ITIH5: variants seen among roughly 807,000 people sequenced by gnomAD.
ITIH5 encodes inter-alpha-trypsin inhibitor heavy chain 5.
A neutral mutation model predicts 77.5 loss-of-function variants in ITIH5; 65 were observed. That is an observed-to-expected ratio of 0.84 (90% CI 0.69 to 1.03). ITIH5 has a LOEUF of 1.03. Among genes scored for constraint, ITIH5 ranks in the 50% least tolerant of loss-of-function variants. The probability of loss-of-function intolerance (pLI) is 0.00; values close to 1 mark genes in which losing one functional copy is unlikely to be tolerated. For missense variants in ITIH5, 1,208 were observed against 1,213.1 expected, an observed-to-expected ratio of 1.00 and a Z score of 0.06; for synonymous variants, 525 against 494.3, an observed-to-expected ratio of 1.06 and a Z score of -0.82.
intron 2 of ITIH5, among the ~76,000 whole-genome samples, chr10:7,644,492 TC>T (rs1833945715): frequency 1.4e-5 from 2 of 141,360 alleles, no homozygotes; most frequent in African/African-American, 5.2e-5. Flanking sequence ...CACATATATA[TC>T]ATAATCACAT....
At chr10:7,665,682 G>A in intron 1 of ITIH5, among the ~76,000 whole-genome samples, 1 of 152,210 alleles carries the variant, frequency 6.6e-6, no homozygotes, top group South Asian at 2.1e-4. Flanking sequence ...TGCTCAAAAA[G>A]AGCCGCATTC....
chr10:7,620,414 G>C (rs182275495), intron 5 of ITIH5: 110 of 152,340 alleles, frequency 7.2e-4, no homozygotes, highest in African/African-American at 2.6e-3. Context: ...GGCAACTGGA[G>C]TAGAACACTG....
chr10:7,631,661 T>G (rs1461956033), intron 5 of ITIH5, among the ~76,000 whole-genome samples: 3 of 152,004 alleles, frequency 2.0e-5, no homozygotes, highest in Non-Finnish European at 4.4e-5. Flanking sequence ...AACCACATAA[T>G]TCTACACTGG....
chr10:7,643,162 G>A (rs952578508), intron 2 of ITIH5, among the ~76,000 whole-genome samples: 3 of 152,188 alleles, frequency 2.0e-5, no homozygotes, highest in African/African-American at 7.2e-5. Flanking sequence ...ACATTGAGAA[G>A]GCAGCTGTCT....
In ITIH5 at chr10:7,579,949, C is replaced by A. The variant is rs1417838366; in HGVS notation, c.1224G>T (p.Lys408Asn). ...VSLIVFLTDG[K>N]PTVGETHTLK... ...GGGTGTGCGTCTCCCCGACCGTGGG[C>A]TTCCCATCCGTCAGGAAGACGATGA... The change falls in exon 9 of 14, where the codon AAG becomes AAT. Residue 408 changes from lysine to asparagine, a missense_variant. Physicochemically the swap from Lys to Asn is moderately conservative, Grantham distance 94 (BLOSUM62 0). Transcript: ENST00000397146. 6.2e-7 allele frequency: 1 copy of A among 1,614,226 alleles called. No homozygotes were observed. Among genetic ancestry groups the A allele is most frequent in the East Asian group, 2.2e-5 (1 of 44,888 alleles).
At chr10:7,611,310 T>G (rs1418402670) in intron 7 of ITIH5, among the ~76,000 whole-genome samples, 1 of 152,400 alleles carries the variant, frequency 6.6e-6, no homozygotes, top group East Asian at 1.9e-4. Context: ...TCTTAGCTAT[T>G]TTGGAAATGG....
chr10:7,662,914 T>C (rs534141913), intron 1 of ITIH5, among the ~76,000 whole-genome samples: 6 of 152,068 alleles, frequency 3.9e-5, no homozygotes, highest in East Asian at 3.9e-4. Flanking sequence ...GTTGTTTTTT[T>C]CCCCCCCAAA....
At position 7,580,081 on chromosome 10, in the gene ITIH5, C is replaced by T. The variant is rs749563909; in HGVS notation, c.1109-17G>A. On this transcript the variant is annotated splice_polypyrimidine_tract_variant and intron_variant, in intron 8 of 13. Coordinates refer to ENST00000397146, the MANE Select transcript of ITIH5 (RefSeq NM_030569.7). ...TGTCTGTGCCTGCAGGACACCAACA[C>T]GGAACAGCTCAAGCCTCTGCACTCA... 100 of 1,573,140 alleles carry T rather than the reference C, an allele frequency of 6.4e-5. No homozygotes were observed. The highest frequency in any genetic ancestry group is 8.1e-5 in the Non-Finnish European group (94 of 1,163,192).
At position 7,566,796 on chromosome 10, in the gene ITIH5, AGAAGAGGAAGAGGAAGAG is replaced by A. The variant is rs1232493954; in HGVS notation, c.2150-407_2150-390del. Reference sequence around the variant, plus strand: ...AAAGAAGAAAGAAGAAAGAAGAAGAAGAAGAGGAAGAGGAAGAGGAAGAGGAAGAGGAAGAGGAAGAGG... The same window carrying A: ...AAAGAAGAAAGAAGAAAGAAGAAGAAGAAGAGGAAGAGGAAGAGGAAGAGG... On this transcript the variant is annotated intron_variant, in intron 12 of 13. Coordinates refer to ENST00000397146, the MANE Select transcript of ITIH5 (RefSeq NM_030569.7). Among the ~76,000 whole-genome samples the A allele has an allele frequency of 4.1e-3, 12 of 2,950 alleles. 4 individuals carry two copies. Among genetic ancestry groups the A allele is most frequent in the African/African-American group, 7.6e-3 (12 of 1,586 alleles). The allele number at this position is 2,950 out of a possible 152,430, so 1.9% of individuals were successfully genotyped here. A position where few individuals can be genotyped will look rare whatever the true frequency, so the allele number is the denominator to read the frequency against.
intron 2 of ITIH5, among the ~76,000 whole-genome samples, chr10:7,649,267 CCCTTCTTCTTCTTATTCTTTCTTCTT>C (rs1331696454): frequency 1.3e-5 from 2 of 150,912 alleles, no homozygotes; most frequent in Non-Finnish European, 2.9e-5. Context: ...TCTTTCTTCC[CCCTTCTTCTTCTTATTCTTTCTTCTT>C]CCTTCTTCTT....
chr10:7,642,162 T>TC (rs1211925886), intron 2 of ITIH5, 72 bp from the exon 3 acceptor site: 1 of 1,212,854 alleles, frequency 8.2e-7, no homozygotes, highest in African/African-American at 1.5e-5. Context: ...AACATCTTTT[T>TC]TTTTTTCCAC....
chr10:7,637,261 T>G lies in ITIH5; in HGVS notation c.619A>C (p.Asn207His). The part of the protein sequence containing the change: ...IASLEVLPLH[N>H]SRQRGSGRGE... ...CGCCCACTGCCCCTCTGCCTGCTGTTGTGAAGCGGCAGCACCTCCAGGGAT... is the reference window on the plus strand; with the variant it reads ...CGCCCACTGCCCCTCTGCCTGCTGTGGTGAAGCGGCAGCACCTCCAGGGAT... The change falls in exon 5 of 14, where the codon AAC (asparagine) becomes CAC (histidine). Residue 207 changes from asparagine (N) to histidine (H), a missense_variant. Physicochemically the swap from Asn to His is moderately conservative, Grantham distance 68 (BLOSUM62 1). Transcript: ENST00000397146. 1.9e-6 allele frequency: 3 copies of G among 1,610,892 alleles called. No individual in the cohort carries two copies. The highest frequency in any genetic ancestry group is 2.5e-6 in the Non-Finnish European group (3 of 1,179,974).
intron 4 of ITIH5, among the ~76,000 whole-genome samples, chr10:7,640,550 T>A (rs67757710): frequency 0.22 from 33,525 of 151,470 alleles, 4,160 homozygotes; most frequent in Non-Finnish European, 0.29. Flanking sequence ...GAAGTGAGCA[T>A]GAGAGATAAA....
At chr10:7,614,974 A>C (rs944553181) in intron 7 of ITIH5, among the ~76,000 whole-genome samples, 2 of 152,214 alleles carry the variant, frequency 1.3e-5, no homozygotes, top group Non-Finnish European at 2.9e-5. Flanking sequence ...AAGGCCGGGC[A>C]TGGTGGCTGA....
rs1489830451 is a variant in ITIH5, at chr10:7,655,692, A to C, written c.91-17T>G. 1 of 1,601,940 alleles carries C rather than the reference A, an allele frequency of 6.2e-7. No homozygotes were observed. Reference sequence around the variant, plus strand: ...GAGTCCATCCTAGAAAAGAGAAGAGACTGTTAAAAAGGTGATTTTTAAAAG... The same window carrying C: ...GAGTCCATCCTAGAAAAGAGAAGAGCCTGTTAAAAAGGTGATTTTTAAAAG... On this transcript the variant is annotated splice_polypyrimidine_tract_variant and intron_variant, in intron 1 of 13. Coordinates refer to ENST00000397146, the MANE Select transcript of ITIH5 (RefSeq NM_030569.7).
intron 5 of ITIH5, among the ~76,000 whole-genome samples, chr10:7,623,530 G>A (rs59075919): frequency 0.2 from 30,652 of 152,042 alleles, 4,630 homozygotes; most frequent in African/African-American, 0.42. Context: ...AAGGCCGGGC[G>A]TGGTGGCTCA....
At chr10:7,628,543 T>C (rs77889323) in intron 5 of ITIH5, among the ~76,000 whole-genome samples, 3,012 of 108,580 alleles carry the variant, frequency 0.028, 57 homozygotes, top group South Asian at 0.074. Flanking sequence ...TGTGTCCATG[T>C]GATACCATGT....
chr10:7,647,141 T>C (rs989929130), intron 2 of ITIH5, among the ~76,000 whole-genome samples: 3 of 152,240 alleles, frequency 2.0e-5, no homozygotes, highest in Non-Finnish European at 2.9e-5. Context: ...CATCCATTTG[T>C]AATCATTTTT....
At chr10:7,624,857 G>GTATATACATATATATGTA in intron 5 of ITIH5, among the ~76,000 whole-genome samples, 5 of 56,098 alleles carry the variant, frequency 8.9e-5, no homozygotes, top group Admixed American at 2.7e-4. Flanking sequence ...ATATATATGT[G>GTATATACATATATATGTA]TATATATGTA....
Sources: gnomAD v4.1 joint callset for allele counts (sites outside exome capture counted in the v4.1 genomes callset) on GRCh38, gnomAD v4.1.1 for gene constraint, MANE v1.5 for transcripts, NCBI Gene and HGNC (gene_info 2026-07-23, HGNC 2026-07-21) for gene names.